SCRIB: variants seen among roughly 807,000 people sequenced by gnomAD.
SCRIB encodes the protein scribble planar cell polarity protein, also known as protein scribble homolog.
In SCRIB, 72 loss-of-function variants were observed where a neutral mutation model predicts 170.0. The observed-to-expected ratio is 0.42, with a 90% CI of 0.35 to 0.52. SCRIB has a LOEUF of 0.52. Ranked by LOEUF, SCRIB falls within the 20% of genes least tolerant of loss-of-function variation. The pLI is 0.02. For missense variants in SCRIB, 2,475 were observed against 2,338.5 expected (o/e 1.06, Z -1.20); for synonymous variants, 1,298 against 1,044.3 (o/e 1.24, Z -4.68).
chr8:143,812,559 A>C (rs1815791132), intron 8 of SCRIB, among the ~76,000 whole-genome samples, 175 bp from the exon 9 acceptor site: 1 of 152,060 alleles, frequency 6.6e-6, no homozygotes, highest in South Asian at 2.1e-4. Flanking sequence ...ACCTCCTTCA[A>C]GAAAACACCA....
At chr8:143,791,619 A>G (rs373471641) in intron 35 of SCRIB, 47 bp downstream of exon 35, 62 of 1,537,880 alleles carry the variant, frequency 4.0e-5, no homozygotes, top group Non-Finnish European at 5.5e-5. Context: ...GGGCGGTGGC[A>G]GGCACGGACA....
chr8:143,801,917 G>A (rs4874101), intron 24 of SCRIB, among the ~76,000 whole-genome samples: 132,971 of 152,204 alleles, frequency 0.87, 58,351 homozygotes, highest in East Asian at 0.98. Context: ...TGGGGGACCC[G>A]GCCAGATGCA....
At chr8:143,793,775 G>A (rs10092551) in intron 28 of SCRIB, 125 bp downstream of exon 28, 431,931 of 889,416 alleles carry the variant, frequency 0.49, 117,353 homozygotes, top group Non-Finnish European at 0.58. Flanking sequence ...AGGGAAAACC[G>A]GAGTCAACAG....
intron 16 of SCRIB, among the ~76,000 whole-genome samples, chr8:143,807,263 C>T (rs782458954): frequency 1.3e-4 from 20 of 152,170 alleles, no homozygotes; most frequent in Middle Eastern, 3.2e-3. Context: ...GATGGTGGCC[C>T]GAGGCCCCCC....
chr8:143,807,493 C>T (rs1815481130), intron 16 of SCRIB, 59 bp downstream of exon 16: 2 of 1,412,676 alleles, frequency 1.4e-6, no homozygotes, highest in South Asian at 2.3e-5. Flanking sequence ...CGTGAGCCCA[C>T]AGCCCGGGAA....
At chr8:143,791,788 G>A in intron 34 of SCRIB, 48 bp from the exon 35 acceptor site, 2 of 1,507,628 alleles carry the variant, frequency 1.3e-6, no homozygotes, top group East Asian at 2.3e-5. Flanking sequence ...GAGGAAAGGG[G>A]GGGATGAGGG....
chr8:143,813,031 G>A lies in SCRIB; in HGVS notation c.641C>T (p.Pro214Leu), dbSNP rs138684024. 171 of 1,600,518 alleles carry A rather than the reference G, an allele frequency of 1.1e-4. No homozygotes were observed. The highest frequency in any genetic ancestry group is 1.4e-4 in the Non-Finnish European group (159 of 1,174,560). ...GGGGCCAGCCCCACCCTGACTCACC[G>A]GGGGCAGTGCTGACAGCTGGTTCCG... ...LDRNQLSALP[P>L]ELGNLRRLVC... is the part of the protein sequence containing the mutation. Residue 214 changes from proline (P) to leucine (L), a missense_variant and splice_region_variant, in exon 7 of 37, where the codon CCG becomes CTG. By Grantham distance (98) the Pro-to-Leu change is moderately conservative (BLOSUM62 -3). Coordinates refer to ENST00000356994, the MANE Select transcript of SCRIB (RefSeq NM_182706.5).
rs769484775 is a variant in SCRIB at position 143,810,970 on chromosome 8, A to G, written c.1209T>C (p.Asp403=). 6.2e-7 allele frequency: 1 copy of G among 1,611,936 alleles called. No individual in the cohort carries two copies. Among genetic ancestry groups the G allele is most frequent in the East Asian group, 2.2e-5 (1 of 44,860 alleles). ...QPMLRFQTED[D]ARTGEKVLTC... ...TGAGCACCTTCTCGCCGGTCCGGGCATCATCCTCCGTCTGGAACCGGAGCA... is the reference window on the plus strand; with the variant it reads ...TGAGCACCTTCTCGCCGGTCCGGGCGTCATCCTCCGTCTGGAACCGGAGCA... The change falls in exon 11 of 37, where the codon GAT becomes GAC. Residue 403 remains aspartate (D), a synonymous_variant. Coordinates refer to ENST00000356994, the MANE Select transcript of SCRIB (RefSeq NM_182706.5).
At chr8:143,809,118 G>A (rs1022941630) in intron 14 of SCRIB, 93 bp from the exon 15 acceptor site, 36 of 1,444,060 alleles carry the variant, frequency 2.5e-5, no homozygotes, top group African/African-American at 2.1e-4. Flanking sequence ...GACGGGCTCC[G>A]AAAGCCTCCC....
chr8:143,812,253 A>C lies in SCRIB; in HGVS notation c.906+13T>G, dbSNP rs371317459. On this transcript the variant is annotated intron_variant, in intron 9 of 36. Coordinates refer to ENST00000356994, the MANE Select transcript of SCRIB (RefSeq NM_182706.5). Reference sequence around the variant, plus strand: ...ACGGCCCCATCCTTTCTGCCTCCCAAGCCAGACCCTACCATCAGCAGGTTC... The same window carrying C: ...ACGGCCCCATCCTTTCTGCCTCCCACGCCAGACCCTACCATCAGCAGGTTC... The C allele has an allele frequency of 4.3e-5, 68 of 1,564,840 alleles. 1 individual carries two copies. In the African/African-American group the frequency reaches 9.1e-4, roughly 21 times the overall value.
At chr8:143,797,945 A>AT (rs1162439244) in intron 24 of SCRIB, among the ~76,000 whole-genome samples, 2 of 152,252 alleles carry the variant, frequency 1.3e-5, no homozygotes, top group Non-Finnish European at 2.9e-5. Context: ...TTTAAAATTC[A>AT]TTTATGTATG....
chr8:143,804,739 C>T lies in SCRIB; in HGVS notation c.2838G>A (p.Leu946=). 1 of 1,600,700 alleles carries T rather than the reference C, an allele frequency of 6.2e-7. No individual in the cohort carries two copies. The highest frequency in any genetic ancestry group is 1.3e-5 in the African/African-American group (1 of 74,866). ...TAASPTIALL[L]EREAGGPLPP... ...GAAGAGGGCCCCCAGCCTCCCGCTC[C>T]AACAGCAGGGCGATGGTGGGGGAGG... Residue 946 remains leucine, a synonymous_variant, in exon 21 of 37, where the codon TTG becomes TTA. Transcript: ENST00000356994.
At position 143,807,031 on chromosome 8, in the gene SCRIB, A is replaced by G. The variant is rs781872976; in HGVS notation, c.2179-18T>C. ...AGGGTCAGCTGGAAACAGAACAGAC[A>G]GGGTGTCTAGAAGGGCCGCAGTGGG... On this transcript the variant is annotated intron_variant, in intron 16 of 36. Coordinates refer to ENST00000356994, the MANE Select transcript of SCRIB (RefSeq NM_182706.5). 1.3e-6 allele frequency: 2 copies of G among 1,589,974 alleles called. No individual in the cohort carries two copies. The highest frequency in any genetic ancestry group is 4.5e-5 in the East Asian group (2 of 44,172).
Position 143,813,502 on chromosome 8 carries a change from C to T in SCRIB, c.471G>A (p.Glu157=), listed in dbSNP as rs368015725. Residue 157 remains glutamate (E), a synonymous_variant, in exon 5 of 37, where the codon GAG becomes GAA. Coordinates refer to ENST00000356994, the MANE Select transcript of SCRIB (RefSeq NM_182706.5). ...VGNLANLVTL[E]LRENLLKSLP... is the part of the protein sequence containing the mutation. ...GGGACTTGAGCAGGTTCTCCCGGAG[C>T]TCCAGGGTCACCAGGTTGGCGAGGC... The T allele has an allele frequency of 1.9e-6, 3 of 1,613,238 alleles. No homozygotes were observed. Among genetic ancestry groups the T allele is most frequent in the Admixed American group, 1.7e-5 (1 of 60,026 alleles).
chr8:143,799,796 G>A (rs6558393), intron 24 of SCRIB, among the ~76,000 whole-genome samples: 129,783 of 150,320 alleles, frequency 0.86, 55,832 homozygotes, highest in East Asian at 0.98. Flanking sequence ...ACAGACAGAC[G>A]TGGGCCGTAG....
chr8:143,803,358 C>A, intron 24 of SCRIB, 25 bp downstream of exon 24: 1 of 1,530,280 alleles, frequency 6.5e-7, no homozygotes, highest in Non-Finnish European at 8.8e-7. Context: ...GAGGGAGGCC[C>A]GGTCCCCGGG....
intron 27 of SCRIB, 173 bp from the exon 28 acceptor site, chr8:143,794,135 C>G (rs1291001284): frequency 1.6e-6 from 1 of 613,094 alleles, no homozygotes; most frequent in African/African-American, 1.8e-5. Flanking sequence ...GGGCTCGTCC[C>G]CGTTCCCACA....
At chr8:143,808,033 G>C (rs1328601669) in intron 15 of SCRIB, among the ~76,000 whole-genome samples, 2 of 152,244 alleles carry the variant, frequency 1.3e-5, no homozygotes, top group Non-Finnish European at 2.9e-5. Context: ...TGCCCCGAAG[G>C]CCTGTGTGGC....
chr8:143,815,082 G>A, intron 1 of SCRIB, 132 bp downstream of exon 1: 2 of 1,057,700 alleles, frequency 1.9e-6, no homozygotes, highest in Non-Finnish European at 1.3e-6. Context: ...GCTGGCTGGG[G>A]TGGGGACCTG....
Sources: gnomAD v4.1 joint callset for allele counts (sites outside exome capture counted in the v4.1 genomes callset) on GRCh38, gnomAD v4.1.1 for gene constraint, MANE v1.5 for transcripts, NCBI Gene and HGNC (gene_info 2026-07-23, HGNC 2026-07-21) for gene names.